GABRR3: variants seen among roughly 807,000 people sequenced by gnomAD.
The protein encoded by GABRR3 is gamma-aminobutyric acid type A receptor subunit rho3.
In GABRR3, 29 loss-of-function variants were observed where a neutral mutation model predicts 43.2. That is an observed-to-expected ratio of 0.67 (90% CI 0.50 to 0.92). The LOEUF (loss-of-function observed/expected upper bound fraction) is 0.92, where lower values mean the gene tolerates loss of function less well. GABRR3 is among the 40% of genes least tolerant of loss of function. GABRR3 has a pLI of 0.00. For synonymous variants in GABRR3, 206 were observed against 195.9 expected (o/e 1.05, Z -0.43); for missense variants, 576 against 572.3 (o/e 1.01, Z -0.07).
chr3:98,032,859 A>G (rs1039941931), intron 2 of GABRR3, among the ~76,000 whole-genome samples: 1 of 152,190 alleles, frequency 6.6e-6, no homozygotes, highest in East Asian at 1.9e-4. Flanking sequence ...CTTTTGCATT[A>G]TAGAAGAGTG....
intron 7 of GABRR3, 135 bp downstream of exon 7, chr3:98,007,629 T>G: frequency 1.1e-6 from 1 of 904,478 alleles, no homozygotes; most frequent in Non-Finnish European, 1.7e-6. Context: ...GCTTGCTCCC[T>G]GTAAAAGGAG....
At chr3:98,005,331 A>G (rs867061564) in intron 7 of GABRR3, among the ~76,000 whole-genome samples, 91 of 152,074 alleles carry the variant, frequency 6.0e-4, no homozygotes, top group African/African-American at 2.1e-3. Context: ...TTTTTAAAAT[A>G]TATTCTTCCG....
At chr3:98,022,358 A>C (rs1706958843) in intron 3 of GABRR3, among the ~76,000 whole-genome samples, 1 of 152,246 alleles carries the variant, frequency 6.6e-6, no homozygotes, top group Non-Finnish European at 1.5e-5. Flanking sequence ...AAAGTAAAAA[A>C]CACTGCAGTA....
intron 5 of GABRR3, among the ~76,000 whole-genome samples, chr3:98,011,200 T>A (rs546438741): frequency 1.3e-5 from 2 of 152,352 alleles, no homozygotes; most frequent in African/African-American, 4.8e-5. Flanking sequence ...AACAGCTCTG[T>A]GCCGAAGTGG....
At chr3:97,987,606 G>A (rs1411008096) in intron 9 of GABRR3, among the ~76,000 whole-genome samples, 4 of 152,166 alleles carry the variant, frequency 2.6e-5, no homozygotes, top group Non-Finnish European at 4.4e-5. Context: ...GGAGGCTGCA[G>A]AATAAATGCT....
At chr3:98,020,763 G>A (rs1198992905) in intron 3 of GABRR3, among the ~76,000 whole-genome samples, 4 of 151,910 alleles carry the variant, frequency 2.6e-5, no homozygotes, top group East Asian at 1.9e-4. Context: ...TCTTCCTTTC[G>A]TCCTCCAGAT....
intron 3 of GABRR3, among the ~76,000 whole-genome samples, chr3:98,020,867 T>C (rs1186279919): frequency 2.4e-5 from 3 of 123,678 alleles, no homozygotes; most frequent in Admixed American, 9.5e-5. Flanking sequence ...TCTTTTTCTT[T>C]TTCTTTTTTT....
chr3:98,032,110 T>TAGTAC (rs1339754992), intron 2 of GABRR3, among the ~76,000 whole-genome samples: 28 of 144,502 alleles, frequency 1.9e-4, no homozygotes, highest in African/African-American at 6.9e-4. Flanking sequence ...TAGTATAGTA[T>TAGTAC]AGTATAGTAT....
rs186134154 is a variant in GABRR3 at position 98,006,958 on chromosome 3, T to C, written c.754+806A>G. Reference sequence around the variant, plus strand: ...CTGTTTGGGGCAATGATGCACTTTATGGATGGATTCATTCAGCTGATTTTT... The same window carrying C: ...CTGTTTGGGGCAATGATGCACTTTACGGATGGATTCATTCAGCTGATTTTT... On this transcript the variant is annotated intron_variant, in intron 7 of 9. Coordinates refer to ENST00000621172, the Ensembl canonical transcript of GABRR3. Among the ~76,000 whole-genome samples, 271 of 152,300 alleles carry C rather than the reference T, an allele frequency of 1.8e-3. 1 individual carries two copies. Among genetic ancestry groups the C allele is most frequent in the African/African-American group, 6.3e-3 (261 of 41,568 alleles).
At chr3:98,031,856 T>C (rs544819163) in intron 2 of GABRR3, among the ~76,000 whole-genome samples, 2 of 152,262 alleles carry the variant, frequency 1.3e-5, no homozygotes, top group South Asian at 2.1e-4. Flanking sequence ...TCTGCCACTC[T>C]CTTCTGTCTT....
At chr3:97,986,562 T>C, downstream of GABRR3, 1 of 645,748 alleles carries the variant, frequency 1.5e-6, no homozygotes, top group Non-Finnish European at 2.5e-6. Flanking sequence ...CAAATTTTCA[T>C]TAGGGCAGGA....
At chr3:98,026,684 G>C (rs1403846733) in intron 2 of GABRR3, among the ~76,000 whole-genome samples, 1 of 151,572 alleles carries the variant, frequency 6.6e-6, no homozygotes, top group African/African-American at 2.4e-5. Context: ...AGACCCTGAG[G>C]GCTCTACTAA....
intron 8 of GABRR3, among the ~76,000 whole-genome samples, chr3:97,994,368 G>C (rs894224692): frequency 6.6e-6 from 1 of 152,188 alleles, no homozygotes. Flanking sequence ...TTGGCAATTT[G>C]ACAGTACCAT....
intron 4 of GABRR3, among the ~76,000 whole-genome samples, chr3:98,016,237 G>A (rs989604509): frequency 2.6e-5 from 4 of 152,102 alleles, no homozygotes; most frequent in African/African-American, 7.2e-5. Context: ...AGGTCTTGAC[G>A]GCAGATCCTT....
At chr3:98,023,811 T>C (rs1188668270) in intron 3 of GABRR3, among the ~76,000 whole-genome samples, 1 of 152,232 alleles carries the variant, frequency 6.6e-6, no homozygotes, top group Non-Finnish European at 1.5e-5. Context: ...CATCTGATGC[T>C]GATCACCTAA....
chr3:97,996,995 G>A lies in GABRR3; in HGVS notation c.908-3947C>T, dbSNP rs189432001. On this transcript the variant is annotated intron_variant, in intron 8 of 9. Transcript: ENST00000621172. The stretch of plus-strand genomic sequence containing the variant: ...TACTGAATATGAACTATGTGCAGGA[G>A]GACACTGTGCTACTCGCTGAAGGAA... Among the ~76,000 whole-genome samples the A allele has an allele frequency of 2.1e-3, 313 of 152,278 alleles. 2 individuals are homozygous for A. The highest frequency in any genetic ancestry group is 3.4e-3 in the Middle Eastern group (1 of 294).
intron 9 of GABRR3, among the ~76,000 whole-genome samples, chr3:97,992,632 A>G (rs1706485958): frequency 6.6e-6 from 1 of 152,180 alleles, no homozygotes; most frequent in Non-Finnish European, 1.5e-5. Context: ...AATTTTGCAC[A>G]CACAAAAACT....
intron 7 of GABRR3, among the ~76,000 whole-genome samples, chr3:98,004,200 A>T (rs1283758202): frequency 6.6e-6 from 1 of 152,172 alleles, no homozygotes; most frequent in African/African-American, 2.4e-5. Context: ...AAAAGGATCA[A>T]AATAATGTGG....
chr3:98,006,428 T>C (rs1318973144), intron 7 of GABRR3, among the ~76,000 whole-genome samples: 1 of 152,242 alleles, frequency 6.6e-6, no homozygotes, highest in Non-Finnish European at 1.5e-5. Context: ...GAATTTCTTC[T>C]GGGTCTAAAT....
Sources: allele counts gnomAD v4.1 joint callset (sites outside exome capture counted in the v4.1 genomes callset), GRCh38; gene constraint gnomAD v4.1.1; transcripts MANE v1.5; gene names NCBI Gene and HGNC (gene_info 2026-07-23, HGNC 2026-07-21).